Variants in PITX1 observed in about 807,000 individuals in gnomAD.
The protein encoded by PITX1 is paired like homeodomain 1, also known as pituitary homeobox 1.
In PITX1, 5 loss-of-function variants were observed where a neutral mutation model predicts 24.1. That is an observed-to-expected ratio of 0.21 (90% CI 0.11 to 0.44). PITX1 has a LOEUF of 0.44. Among genes scored for constraint, PITX1 ranks in the 20% least tolerant of loss-of-function variants. The probability of loss-of-function intolerance (pLI) is 0.99; values close to 1 mark genes in which losing one functional copy is unlikely to be tolerated. For missense variants in PITX1, 401 were observed against 455.4 expected, an observed-to-expected ratio of 0.88 and a Z score of 1.09; for synonymous variants, 213 against 208.9, an observed-to-expected ratio of 1.02 and a Z score of -0.17.
Position 135,031,294 on chromosome 5 carries a change from G to T in PITX1, c.384C>A (p.Leu128=), listed in dbSNP as rs961878768. Residue 128 remains leucine, a synonymous_variant, in exon 2 of 3, where the codon CTC becomes CTA. Coordinates refer to ENST00000265340, the MANE Select transcript of PITX1 (RefSeq NM_002653.5). ...TGCTCACCCGCACGCGCGGCTCGGT[G>T]AGGTTGGTCCACACGGCGATCTCCT... The part of the protein sequence containing the change: ...MREEIAVWTN[L]TEPRVRVWFK... 4 of 1,614,024 alleles carry T rather than the reference G, an allele frequency of 2.5e-6. No homozygotes were observed. The highest frequency in any genetic ancestry group is 3.4e-6 in the Non-Finnish European group (4 of 1,179,900).
rs1354010951 is a variant in PITX1 at position 135,033,782 on chromosome 5, C to T, written c.100G>A (p.Ala34Thr). ...PHDMGPAFHL[A>T]RPADPREPLE... is the part of the protein sequence containing the mutation. The stretch of plus-strand genomic sequence containing the variant: ...GGCTCGCGGGGGTCGGCGGGCCGGG[C>T]CAGGTGGAAGGCGGGCCCCATGTCA... The change falls in exon 1 of 3, where the codon GCC (alanine) becomes ACC (threonine). Residue 34 changes from alanine to threonine, a missense_variant. By Grantham distance (58) the Ala-to-Thr change is moderately conservative (BLOSUM62 0). This residue lies in a region of PITX1 where 136 missense variants were observed against 133.3 expected (regional missense o/e 1.02). Coordinates refer to ENST00000265340, the MANE Select transcript of PITX1 (RefSeq NM_002653.5). The surrounding 1 kb of genome is among the most constrained non-coding windows in gnomAD (Gnocchi z 5.9). The T allele has an allele frequency of 1.9e-6, 3 of 1,585,144 alleles. No individual in the cohort carries two copies. In the South Asian group the frequency reaches 3.4e-5, roughly 18 times the overall value.
chr5:135,029,407 CG>C, intron 2 of PITX1, 86 bp from the exon 3 acceptor site: 9 of 1,107,302 alleles, frequency 8.1e-6, no homozygotes, highest in Non-Finnish European at 1.0e-5. Flanking sequence ...AGCCTTCCGT[CG>C]GCCCGCTGCC....
At position 135,031,355 on chromosome 5, in the gene PITX1, AACGTGGCCTCTAG is replaced by A; in HGVS notation, c.310_322del (p.Leu104SerfsTer9). 1 of 1,614,038 alleles carries A rather than the reference AACGTGGCCTCTAG, an allele frequency of 6.2e-7. No individual in the cohort carries two copies. The highest frequency in any genetic ancestry group is 8.5e-7 in the Non-Finnish European group (1 of 1,179,936). ...CATGTCGGGGTAGCGGTTCCTCTGGAACGTGGCCTCTAGCTCTTGCAACTGCTGGCTTGTGAAG... is the reference window on the plus strand; with the variant it reads ...CATGTCGGGGTAGCGGTTCCTCTGGACTCTTGCAACTGCTGGCTTGTGAAG... On this transcript the variant is annotated frameshift_variant, in exon 2 of 3. Coordinates refer to ENST00000265340, the MANE Select transcript of PITX1 (RefSeq NM_002653.5). LOFTEE classifies it high-confidence loss of function.
chr5:135,033,132 C>G lies in PITX1; in HGVS notation c.169+581G>C, dbSNP rs1045936933. On this transcript the variant is annotated intron_variant, in intron 1 of 2. Transcript: ENST00000265340. The surrounding 1 kb of genome is among the most constrained non-coding windows in gnomAD (Gnocchi z 5.9). ...GCGCACGTGGGCCGGATCCCTTGAT[C>G]GGCGTTCCGGCTGGCCTTGCTGGGA... is the stretch of plus-strand genomic sequence containing the variant. 1 of 350,010 alleles carries G rather than the reference C, an allele frequency of 2.9e-6. No homozygotes were observed. The highest frequency in any genetic ancestry group is 1.0e-4 in the East Asian group (1 of 9,934). 21.7% of individuals were successfully genotyped at this position (350,010 alleles called of 1,614,324 possible). A position where few individuals can be genotyped will look rare whatever the true frequency, so the allele number is the denominator to read the frequency against.
At chr5:135,032,015 C>G in intron 1 of PITX1, 1 of 156,758 alleles carries the variant, frequency 6.4e-6, no homozygotes, top group African/African-American at 2.4e-5. Context: ...GCCTCCAGTC[C>G]CAAAGCCTAG....
chr5:135,034,194 C>T lies in PITX1; in HGVS notation c.-313G>A, dbSNP rs1237804207. The T allele has an allele frequency of 6.6e-6, 1 of 151,672 alleles. No individual in the cohort carries two copies. The highest frequency in any genetic ancestry group is 1.5e-5 in the Non-Finnish European group (1 of 67,912). The allele number at this position is 151,672 out of a possible 1,614,324, so 9.4% of individuals were successfully genotyped here. On this transcript the variant is annotated 5_prime_UTR_variant, in exon 1 of 3. Coordinates refer to ENST00000265340, the MANE Select transcript of PITX1 (RefSeq NM_002653.5). ...CCGGCTCGCGATCCGGGGCCGGTTT[C>T]TAAGGCTCCGGACGGCGCCGGCAGA...
At chr5:135,031,150 G>A (rs1214815478) in intron 2 of PITX1, 126 bp downstream of exon 2, 1 of 740,436 alleles carries the variant, frequency 1.4e-6, no homozygotes, top group Non-Finnish European at 2.3e-6. Context: ...CCGGTGGAGG[G>A]AGGGAGCAGG....
Position 135,028,685 on chromosome 5 carries a change from G to C in PITX1, c.*94C>G. 1 of 864,058 alleles carries C rather than the reference G, an allele frequency of 1.2e-6. No individual in the cohort carries two copies. The highest frequency in any genetic ancestry group is 1.5e-6 in the Non-Finnish European group (1 of 657,220). The allele number at this position is 864,058 out of a possible 1,614,324, so 53.5% of individuals were successfully genotyped here. On this transcript the variant is annotated 3_prime_UTR_variant, in exon 3 of 3. Transcript: ENST00000265340. ...GTGAGGTCCGCGGCGCGGTGAGCTG[G>C]GGCTTGCGAGCCGGGGCCCCGCGTG...
Position 135,028,840 on chromosome 5 carries a change from A to G in PITX1, c.884T>C (p.Phe295Ser). ...CGGGCCCTGCAGGCCGCCGTAGCCA[A>G]ACGACGAGTGCTGTTTGGACTTGAG... ...LRLKSKQHSSFGYGGLQGPAS... is the reference protein window; with the variant it reads ...LRLKSKQHSSSGYGGLQGPAS... Residue 295 changes from phenylalanine to serine, a missense_variant, in exon 3 of 3, where the codon TTT becomes TCT. By Grantham distance (155) the Phe-to-Ser change is radical. Coordinates refer to ENST00000265340, the MANE Select transcript of PITX1 (RefSeq NM_002653.5). 2.5e-6 allele frequency: 4 copies of G among 1,613,474 alleles called. No homozygotes were observed. Among genetic ancestry groups the G allele is most frequent in the Non-Finnish European group, 3.4e-6 (4 of 1,179,826 alleles).
Position 135,034,038 on chromosome 5 carries a change from CG to C in PITX1, c.-158del, listed in dbSNP as rs1281560495. ...CGCCGTGCCCGCCCCATGGACCGCC[CG>C]GGGCTGCGGCGCCGGGCGGGCAGAG... On this transcript the variant is annotated 5_prime_UTR_variant, in exon 1 of 3. Coordinates refer to ENST00000265340, the MANE Select transcript of PITX1 (RefSeq NM_002653.5). 3 of 275,210 alleles carry C rather than the reference CG, an allele frequency of 1.1e-5. No individual in the cohort carries two copies. The highest frequency in any genetic ancestry group is 1.1e-4 in the Admixed American group (2 of 17,978). The allele number at this position is 275,210 out of a possible 1,614,324, so 17.0% of individuals were successfully genotyped here. A position where few individuals can be genotyped will look rare whatever the true frequency, so the allele number is the denominator to read the frequency against.
Position 135,028,954 on chromosome 5 carries a change from A to T in PITX1, c.770T>A (p.Met257Lys), listed in dbSNP as rs767150308. 2.0e-5 allele frequency: 33 copies of T among 1,613,956 alleles called. No homozygotes were observed. The highest frequency in any genetic ancestry group is 3.3e-5 in the Admixed American group (2 of 60,002). Residue 257 changes from methionine to lysine, a missense_variant, in exon 3 of 3, where the codon ATG (methionine) becomes AAG (lysine). By Grantham distance (95) the Met-to-Lys change is moderately conservative. Coordinates refer to ENST00000265340, the MANE Select transcript of PITX1 (RefSeq NM_002653.5). ...NLTGSSLNSAMSPGACPYGTP... is the reference protein window; with the variant it reads ...NLTGSSLNSAKSPGACPYGTP... ...GCCGTACGGGCAAGCGCCCGGCGAC[A>T]TGGCCGAGTTGAGCGAGGAGCCGGT...
Position 135,033,031 on chromosome 5 carries a change from C to CA in PITX1, c.169+681dup, listed in dbSNP as rs10716861. 4.5e-5 allele frequency: 20 copies of CA among 448,488 alleles called. No individual in the cohort carries two copies. The highest frequency in any genetic ancestry group is 7.2e-5 in the East Asian group (1 of 13,976). 27.8% of individuals were successfully genotyped at this position (448,488 alleles called of 1,614,324 possible). A position where few individuals can be genotyped will look rare whatever the true frequency, so the allele number is the denominator to read the frequency against. On this transcript the variant is annotated intron_variant, in intron 1 of 2. Transcript: ENST00000265340. The surrounding 1 kb of genome is among the most constrained non-coding windows in gnomAD (Gnocchi z 5.9). ...TGCTGGAAAAAAGCTCCAGCTCGGA[C>CA]AAAAAAAGGCAGCGCGGAGGGAGAC... is the stretch of plus-strand genomic sequence containing the variant.
rs1279071053 is a variant in PITX1 at position 135,028,808 on chromosome 5, C to T, written c.916G>A (p.Gly306Ser). The T allele has an allele frequency of 6.2e-7, 1 of 1,610,066 alleles. No individual in the cohort carries two copies. Among genetic ancestry groups the T allele is most frequent in the Non-Finnish European group, 8.5e-7 (1 of 1,178,866 alleles). Residue 306 changes from glycine to serine, a missense_variant, in exon 3 of 3, where the codon GGC becomes AGC. By Grantham distance (56) the Gly-to-Ser change is moderately conservative. This residue lies in a region of PITX1 where 217 missense variants were observed against 219.8 expected (regional missense o/e 0.99). Coordinates refer to ENST00000265340, the MANE Select transcript of PITX1 (RefSeq NM_002653.5). Reference sequence around the variant, plus strand: ...CTGTTGTACTGGCACGCGTTGAGGCCCGAGGCCGGGCCCTGCAGGCCGCCG... The same window carrying T: ...CTGTTGTACTGGCACGCGTTGAGGCTCGAGGCCGGGCCCTGCAGGCCGCCG... ...GYGGLQGPASGLNACQYNS is the reference protein window; with the variant it reads ...GYGGLQGPASSLNACQYNS
chr5:135,028,909 C>A lies in PITX1; in HGVS notation c.815G>T (p.Ser272Ile). ...CGAGTTGCACGTGTCCCGGTAGACG[C>A]TGTAGGGCGAGGCGGGAGTGCCGTA... ...CPYGTPASPY[S>I]VYRDTCNSSL... is the part of the protein sequence containing the mutation. The change falls in exon 3 of 3, where the codon AGC becomes ATC. Residue 272 changes from serine (S) to isoleucine (I), a missense_variant. Ser to Ile is a moderately radical substitution (Grantham distance 142). Coordinates refer to ENST00000265340, the MANE Select transcript of PITX1 (RefSeq NM_002653.5). 1 of 1,613,906 alleles carries A rather than the reference C, an allele frequency of 6.2e-7. No homozygotes were observed. Among genetic ancestry groups the A allele is most frequent in the Non-Finnish European group, 8.5e-7 (1 of 1,179,966 alleles).
rs371872490 is a variant in PITX1, at chr5:135,033,666, C to T, written c.169+47G>A. 3.5e-4 allele frequency: 549 copies of T among 1,576,938 alleles called. 3 individuals are homozygous for T. The African/African-American group carries it at 6.8e-3, about 19-fold the overall frequency. The stretch of plus-strand genomic sequence containing the variant: ...GCCCTGCTCCCAGCTCCCCGTGCTC[C>T]GCGCCCGGGTAGGCTCTGTGCGCGC... On this transcript the variant is annotated intron_variant, in intron 1 of 2. Coordinates refer to ENST00000265340, the MANE Select transcript of PITX1 (RefSeq NM_002653.5). The surrounding 1 kb of genome is among the most constrained non-coding windows in gnomAD (Gnocchi z 5.9).
Position 135,028,776 on chromosome 5 carries a change from C to CTG in PITX1, c.*2_*3insCA, listed in dbSNP as rs1561470512. On this transcript the variant is annotated 3_prime_UTR_variant, in exon 3 of 3. Coordinates refer to ENST00000265340, the MANE Select transcript of PITX1 (RefSeq NM_002653.5). ...CGCCGGCCCGCGTGGTGCGGCGGGGCGGTCAGCTGTTGTACTGGCACGCGT... is the reference window on the plus strand; with the variant it reads ...CGCCGGCCCGCGTGGTGCGGCGGGGCTGGGTCAGCTGTTGTACTGGCACGCGT... 1 of 1,561,294 alleles carries CTG rather than the reference C, an allele frequency of 6.4e-7. No individual in the cohort carries two copies. Among genetic ancestry groups the CTG allele is most frequent in the Admixed American group, 1.8e-5 (1 of 56,190 alleles).
chr5:135,031,881 C>T (rs1213987064), intron 1 of PITX1: 9 of 282,666 alleles, frequency 3.2e-5, no homozygotes, highest in African/African-American at 4.4e-5. Context: ...GAGGGGGTCT[C>T]TGCTTTTCTG....
intron 2 of PITX1, 24 bp from the exon 3 acceptor site, chr5:135,029,345 G>A: frequency 6.4e-7 from 1 of 1,557,718 alleles, no homozygotes; most frequent in Non-Finnish European, 8.7e-7. Context: ...CGGGAGAAGG[G>A]TCAGGGCCGC....
intron 1 of PITX1, 83 bp from the exon 2 acceptor site, chr5:135,031,591 C>T (rs931688181): frequency 2.6e-6 from 3 of 1,141,132 alleles, no homozygotes; most frequent in African/African-American, 1.5e-5. Context: ...CCGCTCGCCA[C>T]CAGCGCTGGC....
Sources: allele counts gnomAD v4.1 joint callset, GRCh38; gene constraint gnomAD v4.1.1; regional missense constraint gnomAD v4.1.1; non-coding constraint Gnocchi (gnomAD v3.1); transcripts MANE v1.5; gene names NCBI Gene and HGNC (gene_info 2026-07-23, HGNC 2026-07-21).